FBN2: variants seen among roughly 807,000 people sequenced by gnomAD.
FBN2 encodes the protein fibrillin 2, also known as fibrillin-2.
Under a neutral mutation model 355.6 loss-of-function variants are expected in FBN2, and 105 were observed. The observed-to-expected ratio is 0.30, with a 90% CI of 0.25 to 0.35. The LOEUF (loss-of-function observed/expected upper bound fraction) is 0.35, where lower values mean the gene tolerates loss of function less well. Ranked by LOEUF, FBN2 falls within the 10% of genes least tolerant of loss-of-function variation. The probability of loss-of-function intolerance (pLI) is 1.00; values close to 1 mark genes in which losing one functional copy is unlikely to be tolerated. For missense variants in FBN2, 3,280 were observed against 3,758.7 expected (o/e 0.87, Z 3.33); for synonymous variants, 1,350 against 1,301.2 (o/e 1.04, Z -0.81).
At chr5:128,478,437 G>A (rs1028538278) in intron 5 of FBN2, among the ~76,000 whole-genome samples, 1 of 152,078 alleles carries the variant, frequency 6.6e-6, no homozygotes. Flanking sequence ...CTTTAAACAT[G>A]AACCATCTTA....
At position 128,532,906 on chromosome 5, in the gene FBN2, G is replaced by T. The variant is rs183399408; in HGVS notation, c.338-2213C>A. Among the ~76,000 whole-genome samples the T allele has an allele frequency of 3.3e-5, 5 of 152,190 alleles. No individual in the cohort carries two copies. In the East Asian group the frequency reaches 9.7e-4, roughly 29 times the overall value. On this transcript the variant is annotated intron_variant, in intron 2 of 64. Transcript: ENST00000262464. Reference sequence around the variant, plus strand: ...TTTTTAAAAATTAGCCTTGCACATTGGCATGTGCCCATAGTCCCAGCTACT... The same window carrying T: ...TTTTTAAAAATTAGCCTTGCACATTTGCATGTGCCCATAGTCCCAGCTACT...
chr5:128,369,531 G>T (rs2126947876), intron 15 of FBN2, among the ~76,000 whole-genome samples, 197 bp from the exon 16 acceptor site: 1 of 152,288 alleles, frequency 6.6e-6, no homozygotes, highest in South Asian at 2.1e-4. Flanking sequence ...AAGAATGGAT[G>T]CATATCACCG....
At chr5:128,300,609 T>C (rs1749686456) in intron 48 of FBN2, among the ~76,000 whole-genome samples, 1 of 152,234 alleles carries the variant, frequency 6.6e-6, no homozygotes, top group South Asian at 2.1e-4. Context: ...AGCATTAGAT[T>C]TCTGGTAATG....
intron 7 of FBN2, among the ~76,000 whole-genome samples, chr5:128,421,707 T>A (rs1753354081): frequency 1.3e-5 from 2 of 152,160 alleles, no homozygotes; most frequent in African/African-American, 4.8e-5. Context: ...ATATATTCAT[T>A]TGAAAGAAGG....
At chr5:128,400,639 A>C (rs893772027) in intron 8 of FBN2, among the ~76,000 whole-genome samples, 1 of 152,224 alleles carries the variant, frequency 6.6e-6, no homozygotes, top group African/African-American at 2.4e-5. Flanking sequence ...ACTGTACCAG[A>C]ATATTTCCAA....
intron 34 of FBN2, among the ~76,000 whole-genome samples, chr5:128,323,687 G>A (rs1463091045): frequency 1.3e-5 from 2 of 152,184 alleles, no homozygotes; most frequent in African/African-American, 2.4e-5. Flanking sequence ...GCTGGATTCG[G>A]TTTGCCAGTA....
At chr5:128,378,363 G>A (rs377612478) in intron 12 of FBN2, among the ~76,000 whole-genome samples, 7 of 152,248 alleles carry the variant, frequency 4.6e-5, no homozygotes, top group African/African-American at 7.2e-5. Flanking sequence ...ATGAGGTAGC[G>A]CGTTTGGACC....
At chr5:128,333,076 C>G in intron 31 of FBN2, 42 bp from the exon 32 acceptor site, 1 of 1,523,782 alleles carries the variant, frequency 6.6e-7, no homozygotes, top group African/African-American at 1.4e-5. Context: ...AAAATACAAA[C>G]TAATTAATTC....
chr5:128,429,808 G>T (rs1753573740), intron 7 of FBN2, among the ~76,000 whole-genome samples: 1 of 152,154 alleles, frequency 6.6e-6, no homozygotes, highest in Non-Finnish European at 1.5e-5. Context: ...TTTAATTTGT[G>T]AAAGATGATA....
chr5:128,295,603 G>T (rs1200705524), intron 48 of FBN2, among the ~76,000 whole-genome samples: 1 of 127,614 alleles, frequency 7.8e-6, no homozygotes, highest in Non-Finnish European at 1.6e-5. Flanking sequence ...AAGCAATTGT[G>T]AATGGGAGTT....
chr5:128,505,636 C>T (rs1334117771), intron 5 of FBN2, among the ~76,000 whole-genome samples: 1 of 152,134 alleles, frequency 6.6e-6, no homozygotes, highest in Non-Finnish European at 1.5e-5. Flanking sequence ...CTATCCATAC[C>T]TTTGCATCCC....
chr5:128,292,657 G>A (rs906413952), intron 48 of FBN2, among the ~76,000 whole-genome samples: 1 of 152,028 alleles, frequency 6.6e-6, no homozygotes, highest in East Asian at 1.9e-4. Context: ...ATGGCTCCAC[G>A]CTGACCGCAG....
chr5:128,423,275 A>G (rs910096435), intron 7 of FBN2, among the ~76,000 whole-genome samples: 8 of 152,210 alleles, frequency 5.3e-5, no homozygotes, highest in Non-Finnish European at 1.2e-4. Flanking sequence ...GCTAATAAAG[A>G]CATACCTGAG....
intron 7 of FBN2, among the ~76,000 whole-genome samples, chr5:128,410,599 C>T (rs1049308656): frequency 1.3e-5 from 2 of 152,240 alleles, no homozygotes; most frequent in East Asian, 1.9e-4. Context: ...CTAGGCATTT[C>T]GTTTCATAAT....
intron 61 of FBN2, among the ~76,000 whole-genome samples, chr5:128,272,487 A>AT (rs1561741150): frequency 3.2e-4 from 27 of 85,588 alleles, no homozygotes; most frequent in Middle Eastern, 8.8e-3. Context: ...TATATATATA[A>AT]AATATATTTG....
intron 4 of FBN2, 103 bp from the exon 5 acceptor site, chr5:128,519,471 TA>T (rs1401419011): frequency 1.2e-5 from 10 of 805,804 alleles, no homozygotes; most frequent in Non-Finnish European, 2.1e-5. Flanking sequence ...TAAATTATAG[TA>T]CATTATGTTA....
At chr5:128,472,794 A>G (rs1175625663) in intron 5 of FBN2, among the ~76,000 whole-genome samples, 1 of 94,356 alleles carries the variant, frequency 1.1e-5, no homozygotes, top group Non-Finnish European at 1.8e-5. Flanking sequence ...TCCGTCTCAG[A>G]AAAAAAAAAA....
chr5:128,378,906 GA>G lies in FBN2; in HGVS notation c.1604-17del. 6.2e-7 allele frequency: 1 copy of G among 1,612,760 alleles called. No homozygotes were observed. The highest frequency in any genetic ancestry group is 8.5e-7 in the Non-Finnish European group (1 of 1,179,040). On this transcript the variant is annotated splice_polypyrimidine_tract_variant and intron_variant, in intron 11 of 64. Transcript: ENST00000262464. ...TCATCAACATCTGTGAGCAGCAAAA[GA>G]AACCATTATAGACTTCACTCCATTT...
intron 48 of FBN2, 112 bp from the exon 49 acceptor site, chr5:128,291,766 G>A: frequency 9.5e-7 from 1 of 1,050,540 alleles, no homozygotes; most frequent in Non-Finnish European, 1.5e-6. Flanking sequence ...ATATTACGTT[G>A]TATGTTTAAC....
Sources: gnomAD v4.1 joint callset for allele counts (sites outside exome capture counted in the v4.1 genomes callset) on GRCh38, gnomAD v4.1.1 for gene constraint, MANE v1.5 for transcripts, NCBI Gene and HGNC (gene_info 2026-07-23, HGNC 2026-07-21) for gene names.